The following BEAN1 variants were observed in gnomAD, a reference collection of about 807,000 sequenced individuals.
BEAN1 encodes protein BEAN1.
BEAN1 carries 17 observed loss-of-function variants against 17.7 expected under a neutral mutation model. The observed-to-expected ratio is 0.96, with a 90% confidence interval of 0.66 to 1.44. The LOEUF (loss-of-function observed/expected upper bound fraction) is 1.44. Among genes scored for constraint, BEAN1 ranks in the 40% most tolerant of loss-of-function variants. The pLI is 0.00. For missense variants in BEAN1, 359 were observed against 374.1 expected (o/e 0.96, Z 0.33); for synonymous variants, 142 against 151.8 (o/e 0.94, Z 0.47).
rs1189739887 is a variant in BEAN1 at position 66,481,528 on chromosome 16, G to A, written c.*603G>A. 2 of 317,952 alleles carry A rather than the reference G, an allele frequency of 6.3e-6. No homozygotes were observed. Among genetic ancestry groups the A allele is most frequent in the Non-Finnish European group, 1.1e-5 (2 of 175,428 alleles). 19.7% of individuals were successfully genotyped at this position (317,952 alleles called of 1,614,324 possible). A position where few individuals can be genotyped will look rare whatever the true frequency, so the allele number is the denominator to read the frequency against. On this transcript the variant is annotated 3_prime_UTR_variant, in exon 5 of 5. Transcript: ENST00000536005. This position sits in a 1 kb window ranked among gnomAD's most constrained non-coding sequence, Gnocchi z 4.1. ...TCACCACCCTGCCACTTACAAGGTG[G>A]GGGACCTGGGTCTGGGGTCTCAGGC...
At chr16:66,435,968 A>C (rs1004960882) in intron 1 of BEAN1, among the ~76,000 whole-genome samples, 22 of 151,926 alleles carry the variant, frequency 1.4e-4, no homozygotes, top group Non-Finnish European at 2.6e-4. Flanking sequence ...GGCAAGCCTC[A>C]ATTTGCTTTA....
At chr16:66,493,322 G>A in exon 5 of BEAN1, 1 of 696,376 alleles carries the variant, frequency 1.4e-6, no homozygotes, top group Admixed American at 2.0e-5. Context: ...AGAAGGGGTG[G>A]GGTCCGAGAC....
chr16:66,461,407 A>G lies in BEAN1; in HGVS notation c.26-8195A>G, dbSNP rs961155084. On this transcript the variant is annotated intron_variant, in intron 2 of 4. Transcript: ENST00000536005. ...TGGCTCCATCTTGCAGGCATGGGTG[A>G]TGCCATCTCCCGCCCATCTGGTAAT... Among the ~76,000 whole-genome samples, 6 of 152,204 alleles carry G rather than the reference A, an allele frequency of 3.9e-5. No individual in the cohort carries two copies. In the East Asian group the frequency reaches 1.2e-3, roughly 29 times the overall value.
At position 66,447,496 on chromosome 16, in the gene BEAN1, G is replaced by C. The variant is rs138435032; in HGVS notation, c.25+9795G>C. 8.9e-4 allele frequency among the ~76,000 whole-genome samples: 136 copies of C among 152,262 alleles called. 1 individual carries two copies. The highest frequency in any genetic ancestry group is 4.1e-4 in the Non-Finnish European group (28 of 68,028). ...TCAGAGTGTTTATCCTACAGTGACT[G>C]TTGCAGAACTAACTCAGTCTTCCCT... On this transcript the variant is annotated intron_variant, in intron 2 of 4. Coordinates refer to ENST00000536005, the MANE Select transcript of BEAN1 (RefSeq NM_001178020.3).
Position 66,481,843 on chromosome 16 carries a change from G to A in BEAN1, c.*918G>A, listed in dbSNP as rs1963996721. ...GTGGCCCCTCCCTCAGTCCCTGCCT[G>A]GCCGACCACTGTGGCCTGCACGCGA... On this transcript the variant is annotated 3_prime_UTR_variant, in exon 5 of 5. Transcript: ENST00000536005. This position sits in a 1 kb window ranked among gnomAD's most constrained non-coding sequence, Gnocchi z 4.1. 1.3e-5 allele frequency: 2 copies of A among 152,416 alleles called. No individual in the cohort carries two copies. The highest frequency in any genetic ancestry group is 1.3e-4 in the Admixed American group (2 of 15,274). 9.4% of individuals were successfully genotyped at this position (152,416 alleles called of 1,614,324 possible). A position where few individuals can be genotyped will look rare whatever the true frequency, so the allele number is the denominator to read the frequency against.
chr16:66,459,051 G>T (rs1021923765), intron 2 of BEAN1, among the ~76,000 whole-genome samples: 31 of 152,230 alleles, frequency 2.0e-4, no homozygotes, highest in African/African-American at 7.5e-4. Context: ...GGAACTCCCT[G>T]CAGTGTCATT....
chr16:66,469,865 G>A lies in BEAN1; in HGVS notation c.289G>A (p.Val97Met), dbSNP rs1395673698. The A allele has an allele frequency of 7.1e-5, 109 of 1,532,392 alleles. No homozygotes were observed. In the East Asian group the frequency reaches 2.4e-3, roughly 34 times the overall value. The allele number at this position is 1,532,392 out of a possible 1,614,324, so 94.9% of individuals were successfully genotyped here. A position where few individuals can be genotyped will look rare whatever the true frequency, so the allele number is the denominator to read the frequency against. ...RRHREYEHGY[V>M]SDEHTYSRSS... ...ACACCGAGAGTACGAGCACGGCTAC[G>A]GTGAGCCGCCGCCCACCCTGGGGCC... Residue 97 changes from valine (V) to methionine (M), a missense_variant and splice_region_variant, in exon 3 of 5, where the codon GTG (valine) becomes ATG (methionine). Transcript: ENST00000536005.
At chr16:66,480,503 A>C in intron 4 of BEAN1, 83 bp from the exon 5 acceptor site, 2 of 1,128,066 alleles carry the variant, frequency 1.8e-6, no homozygotes, top group Non-Finnish European at 2.5e-6. Flanking sequence ...ACAGCTTGTC[A>C]CTGCAGATAG....
chr16:66,492,429 ACT>A (rs2142490602), intron 4 of BEAN1, among the ~76,000 whole-genome samples: 1 of 149,102 alleles, frequency 6.7e-6, no homozygotes, highest in African/African-American at 2.5e-5. Context: ...CAGCTCAGTC[ACT>A]CTCTTTTTGC....
In BEAN1 at chr16:66,457,582, T is replaced by C. The variant is rs181081387; in HGVS notation, c.26-12020T>C. On this transcript the variant is annotated intron_variant, in intron 2 of 4. Transcript: ENST00000536005. The stretch of plus-strand genomic sequence containing the variant: ...TTCAGCTGCCATCAAGGTGACATCC[T>C]ACAGACTCACCCCTCTGTGTTCCTG... Among the ~76,000 whole-genome samples, 7 of 152,280 alleles carry C rather than the reference T, an allele frequency of 4.6e-5. No homozygotes were observed. In the East Asian group the frequency reaches 9.6e-4, roughly 21 times the overall value.
chr16:66,463,525 A>C (rs1186726151), intron 2 of BEAN1, among the ~76,000 whole-genome samples: 1 of 152,216 alleles, frequency 6.6e-6, no homozygotes, highest in Admixed American at 6.5e-5. Flanking sequence ...AGCTCTTTAC[A>C]TATTCTAGGT....
chr16:66,446,959 C>A (rs1004133013), intron 2 of BEAN1, among the ~76,000 whole-genome samples: 1 of 152,146 alleles, frequency 6.6e-6, no homozygotes, highest in Non-Finnish European at 1.5e-5. Flanking sequence ...ATGCAGCCTG[C>A]ATGCTTCAAA....
At chr16:66,474,604 GAGA>G (rs1567505158) in intron 3 of BEAN1, among the ~76,000 whole-genome samples, 1 of 17,914 alleles carries the variant, frequency 5.6e-5, no homozygotes, top group African/African-American at 2.5e-4. Flanking sequence ...GAGGGAGGGA[GAGA>G]GGGAGGGAGG....
At chr16:66,468,855 T>A (rs1421400067) in intron 2 of BEAN1, among the ~76,000 whole-genome samples, 1 of 152,076 alleles carries the variant, frequency 6.6e-6, no homozygotes, top group Non-Finnish European at 1.5e-5. Flanking sequence ...AAGTCACCCG[T>A]CCCCAGGAGC....
chr16:66,441,017 C>T (rs558971155), intron 2 of BEAN1, among the ~76,000 whole-genome samples: 20 of 152,308 alleles, frequency 1.3e-4, no homozygotes, highest in Middle Eastern at 3.4e-3. Flanking sequence ...TCTCGGCCCC[C>T]ACTTCAGATC....
downstream of BEAN1, chr16:66,485,147 C>A: frequency 2.2e-6 from 1 of 452,764 alleles, no homozygotes; most frequent in South Asian, 1.6e-5. Context: ...CCACGAGGAA[C>A]ATCCATTGTC....
chr16:66,471,953 C>A lies in BEAN1; in HGVS notation c.289+2088C>A, dbSNP rs1445452724. Among the ~76,000 whole-genome samples, 3 of 152,186 alleles carry A rather than the reference C, an allele frequency of 2.0e-5. No homozygotes were observed. The highest frequency in any genetic ancestry group is 2.0e-4 in the Admixed American group (3 of 15,284). On this transcript the variant is annotated intron_variant, in intron 3 of 4. Coordinates refer to ENST00000536005, the MANE Select transcript of BEAN1 (RefSeq NM_001178020.3). The surrounding 1 kb of genome is among the most constrained non-coding windows in gnomAD (Gnocchi z 4.7). ...AAGCCCTGGAGGATGCCGGGTAGACCCAGGATGGTCAGTCTGCCGCCTGCC... is the reference window on the plus strand; with the variant it reads ...AAGCCCTGGAGGATGCCGGGTAGACACAGGATGGTCAGTCTGCCGCCTGCC...
intron 1 of BEAN1, among the ~76,000 whole-genome samples, chr16:66,429,568 A>C (rs1318429475): frequency 6.6e-6 from 1 of 152,188 alleles, no homozygotes; most frequent in Non-Finnish European, 1.5e-5. Context: ...TGCCCAGAAC[A>C]GGGATGGGGG....
exon 5 of BEAN1, chr16:66,493,480 G>C: frequency 1.7e-6 from 1 of 602,510 alleles, no homozygotes. Flanking sequence ...TGGACAGTGA[G>C]GAGGTCCTGC....
Sources: allele counts gnomAD v4.1 joint callset (sites outside exome capture counted in the v4.1 genomes callset), GRCh38; gene constraint gnomAD v4.1.1; non-coding constraint Gnocchi (gnomAD v3.1); transcripts MANE v1.5; gene names NCBI Gene and HGNC (gene_info 2026-07-23, HGNC 2026-07-21).